SFXN1: variants seen among roughly 807,000 people sequenced by gnomAD.
SFXN1 encodes the protein sideroflexin 1.
A neutral mutation model predicts 39.5 loss-of-function variants in SFXN1; 32 were observed. That is an observed-to-expected ratio of 0.81 (90% CI 0.61 to 1.09). The LOEUF (loss-of-function observed/expected upper bound fraction) is 1.09, where lower values mean the gene tolerates loss of function less well. Among genes scored for constraint, SFXN1 ranks in the 50% least tolerant of loss-of-function variants. The pLI, the probability that SFXN1 is intolerant of heterozygous loss-of-function variation, is 0.00. For synonymous variants in SFXN1, 136 were observed against 146.5 expected, an observed-to-expected ratio of 0.93 and a Z score of 0.52; for missense variants, 402 against 407.1, an observed-to-expected ratio of 0.99 and a Z score of 0.11.
intron 10 of SFXN1, chr5:175,524,029 A>G (rs1252704437): frequency 6.7e-6 from 1 of 148,404 alleles, no homozygotes; most frequent in Non-Finnish European, 1.5e-5. Context: ...GCTCGAACCC[A>G]GTAGGCAGAG....
intron 1 of SFXN1, among the ~76,000 whole-genome samples, chr5:175,480,347 G>A (rs2113244991): frequency 6.6e-6 from 1 of 152,160 alleles, no homozygotes; most frequent in Admixed American, 6.5e-5. Context: ...CTTGCAGTGA[G>A]CCGAGATCGC....
Position 175,506,249 on chromosome 5 carries a change from A to C in SFXN1, c.165-2783A>C, listed in dbSNP as rs76977060. Among the ~76,000 whole-genome samples, 24 of 152,350 alleles carry C rather than the reference A, an allele frequency of 1.6e-4. No homozygotes were observed. The East Asian group carries it at 4.0e-3, about 26-fold the overall frequency. ...CTTTCTAGATAGAAACTTTATTCCTACCTGATTACATAAAAATAATAATTT... is the reference window on the plus strand; with the variant it reads ...CTTTCTAGATAGAAACTTTATTCCTCCCTGATTACATAAAAATAATAATTT... On this transcript the variant is annotated intron_variant, in intron 2 of 10. Coordinates refer to ENST00000321442, the MANE Select transcript of SFXN1 (RefSeq NM_022754.7).
chr5:175,483,774 T>C, intron 1 of SFXN1: 1 of 152,502 alleles, frequency 6.6e-6, no homozygotes, highest in Non-Finnish European at 1.5e-5. Context: ...CTCCCCTGTC[T>C]CCTAGCCTCT....
intron 9 of SFXN1, among the ~76,000 whole-genome samples, 162 bp downstream of exon 9, chr5:175,522,130 T>A (rs1760901432): frequency 6.6e-6 from 1 of 152,206 alleles, no homozygotes; most frequent in South Asian, 2.1e-4. Flanking sequence ...TAAACTGTCT[T>A]TAGAGAAACC....
intron 2 of SFXN1, among the ~76,000 whole-genome samples, chr5:175,506,562 A>G (rs1159985859): frequency 6.6e-6 from 1 of 152,254 alleles, no homozygotes; most frequent in African/African-American, 2.4e-5. Context: ...CAAATGGAGT[A>G]AAATTAGAAG....
chr5:175,521,211 G>A (rs1024446797), intron 8 of SFXN1, among the ~76,000 whole-genome samples: 17 of 149,426 alleles, frequency 1.1e-4, no homozygotes, highest in African/African-American at 2.5e-4. Flanking sequence ...AAATCTAACA[G>A]CATTTATTCT....
At chr5:175,508,645 A>AT (rs35548133) in intron 2 of SFXN1, among the ~76,000 whole-genome samples, 37,258 of 149,194 alleles carry the variant, frequency 0.25, 6,283 homozygotes, top group African/African-American at 0.48. Flanking sequence ...GTGAGCATAA[A>AT]TTTTTTTTTT....
intron 2 of SFXN1, among the ~76,000 whole-genome samples, chr5:175,506,426 G>C (rs1760300520): frequency 6.6e-6 from 1 of 152,146 alleles, no homozygotes; most frequent in African/African-American, 2.4e-5. Flanking sequence ...AAAGATAGAA[G>C]ACATAGCCAA....
intron 6 of SFXN1, among the ~76,000 whole-genome samples, chr5:175,513,084 T>A: frequency 6.6e-6 from 1 of 152,068 alleles, no homozygotes; most frequent in Non-Finnish European, 1.5e-5. Context: ...GTGGATCACC[T>A]GAGGTCAGGA....
At position 175,516,629 on chromosome 5, in the gene SFXN1, T is replaced by A; in HGVS notation, c.740T>A (p.Ile247Asn). 6.2e-7 allele frequency: 1 copy of A among 1,613,230 alleles called. No individual in the cohort carries two copies. Among genetic ancestry groups the A allele is most frequent in the South Asian group, 1.1e-5 (1 of 90,704 alleles). Residue 247 changes from isoleucine to asparagine, a missense_variant, in exon 8 of 11, where the codon ATT (isoleucine) becomes AAT (asparagine). Coordinates refer to ENST00000321442, the MANE Select transcript of SFXN1 (RefSeq NM_022754.7). Reference protein sequence around the residue: ...AAPGMAIPPFIMNTLEKKAFL... With the variant: ...AAPGMAIPPFNMNTLEKKAFL... ...TTATTTCCAGCCATCCCTCCATTCA[T>A]TATGAACACTTTGGAAAAGAAAGCC...
At chr5:175,481,606 G>A (rs13159238) in intron 1 of SFXN1, among the ~76,000 whole-genome samples, 12,752 of 152,196 alleles carry the variant, frequency 0.084, 918 homozygotes, top group African/African-American at 0.2. Context: ...GAGCCACCGC[G>A]CCTGGCACAT....
intron 2 of SFXN1, among the ~76,000 whole-genome samples, chr5:175,503,426 C>T (rs1373326335): frequency 6.6e-6 from 1 of 152,100 alleles, no homozygotes; most frequent in Non-Finnish European, 1.5e-5. Flanking sequence ...TGTGTTAAAA[C>T]ATGAACTGGT....
chr5:175,523,829 T>C (rs1227783314), intron 10 of SFXN1: 1 of 152,058 alleles, frequency 6.6e-6, no homozygotes, highest in East Asian at 1.9e-4. Flanking sequence ...AATAGCTTCT[T>C]ACTCTGTTTT....
Position 175,508,526 on chromosome 5 carries a change from C to T in SFXN1, c.165-506C>T, listed in dbSNP as rs138871756. On this transcript the variant is annotated intron_variant, in intron 2 of 10. Transcript: ENST00000321442. ...CTGAGATTACAGGCATAAGCCACCG[C>T]GCCCAGCCTGAAATGTTCATTTTAA... 7.0e-3 allele frequency among the ~76,000 whole-genome samples: 1,069 copies of T among 152,150 alleles called. 15 individuals carry two copies. The highest frequency in any genetic ancestry group is 0.024 in the African/African-American group (1,015 of 41,514).
intron 2 of SFXN1, among the ~76,000 whole-genome samples, chr5:175,494,440 G>A (rs575959405): frequency 2.0e-5 from 3 of 152,136 alleles, no homozygotes; most frequent in South Asian, 4.1e-4. Flanking sequence ...CTTTATTTGC[G>A]ACAGCAACAG....
At chr5:175,492,058 A>G in intron 1 of SFXN1, 37 bp from the exon 2 acceptor site, 3 of 1,542,946 alleles carry the variant, frequency 1.9e-6, no homozygotes, top group Non-Finnish European at 2.6e-6. Context: ...GTGACATTGT[A>G]AGCCTTACAC....
chr5:175,526,294 C>T (rs761927760), intron 10 of SFXN1, among the ~76,000 whole-genome samples: 12 of 152,000 alleles, frequency 7.9e-5, no homozygotes, highest in Non-Finnish European at 1.6e-4. Flanking sequence ...ATGATTGATA[C>T]GTTTTTCTTA....
At chr5:175,511,138 A>C (rs1169405838) in intron 4 of SFXN1, among the ~76,000 whole-genome samples, 1 of 152,180 alleles carries the variant, frequency 6.6e-6, no homozygotes, top group Non-Finnish European at 1.5e-5. Flanking sequence ...CTTCCTACAC[A>C]CAGCTCCCCT....
intron 7 of SFXN1, among the ~76,000 whole-genome samples, chr5:175,514,693 C>T (rs1760655072): frequency 6.6e-6 from 1 of 152,146 alleles, no homozygotes; most frequent in Non-Finnish European, 1.5e-5. Context: ...GAGCAGGCAA[C>T]AAAAGTTGAA....
Sources: allele counts gnomAD v4.1 joint callset (sites outside exome capture counted in the v4.1 genomes callset), GRCh38; gene constraint gnomAD v4.1.1; transcripts MANE v1.5; gene names NCBI Gene and HGNC (gene_info 2026-07-23, HGNC 2026-07-21).